Variants in MSRA observed in about 807,000 individuals in gnomAD.
MSRA encodes the protein mitochondrial peptide methionine sulfoxide reductase.
In MSRA, 54 loss-of-function variants were observed where a neutral mutation model predicts 31.3. That is an observed-to-expected ratio of 1.73 (90% confidence interval 1.39 to 2.17). The LOEUF (loss-of-function observed/expected upper bound fraction) is 2.17, where lower values mean the gene tolerates loss of function less well. Among genes scored for constraint, MSRA ranks in the 30% most tolerant of loss-of-function variants. MSRA has a pLI of 0.00. For synonymous variants in MSRA, 169 were observed against 116.5 expected (o/e 1.45, Z -2.90); for missense variants, 507 against 300.9 (o/e 1.69, Z -5.07).
chr8:10,232,831 G>A (rs926781574), intron 2 of MSRA, among the ~76,000 whole-genome samples: 1 of 152,202 alleles, frequency 6.6e-6, no homozygotes, highest in Non-Finnish European at 1.5e-5. Context: ...ACCAAGTAAT[G>A]ATTTTGTAAT....
chr8:10,222,513 G>A (rs1341147445), intron 2 of MSRA, among the ~76,000 whole-genome samples: 2 of 152,052 alleles, frequency 1.3e-5, no homozygotes, highest in Non-Finnish European at 2.9e-5. Flanking sequence ...CATATCTAAA[G>A]GCAATGAAAT....
chr8:10,219,183 A>T (rs914694862), intron 2 of MSRA, among the ~76,000 whole-genome samples: 1 of 152,236 alleles, frequency 6.6e-6, no homozygotes, highest in Non-Finnish European at 1.5e-5. Flanking sequence ...CTGCTCAGGG[A>T]TGCTGCCCAT....
chr8:10,358,315 A>AT (rs1284164354), intron 5 of MSRA, among the ~76,000 whole-genome samples: 1 of 152,210 alleles, frequency 6.6e-6, no homozygotes, highest in Non-Finnish European at 1.5e-5. Flanking sequence ...CCCAATAACA[A>AT]TAATAAGAGC....
chr8:10,054,501 C>T lies in MSRA; in HGVS notation c.-16C>T. 1 of 1,566,378 alleles carries T rather than the reference C, an allele frequency of 6.4e-7. No individual in the cohort carries two copies. Among genetic ancestry groups the T allele is most frequent in the Non-Finnish European group, 8.6e-7 (1 of 1,157,324 alleles). ...AGCGCCGTCCCCCGGGACCACCCTT[C>T]GGCTGGCGCCCTCCCATGCTCTCGG... On this transcript the variant is annotated 5_prime_UTR_variant, in exon 1 of 6. Transcript: ENST00000317173.
intron 5 of MSRA, among the ~76,000 whole-genome samples, chr8:10,377,406 A>G (rs1327664460): frequency 6.6e-6 from 1 of 152,230 alleles, no homozygotes. Flanking sequence ...GTCTTTTTCC[A>G]TTAGCAGATA....
At chr8:10,070,455 T>A (rs942694755) in intron 1 of MSRA, among the ~76,000 whole-genome samples, 1 of 152,250 alleles carries the variant, frequency 6.6e-6, no homozygotes, top group Admixed American at 6.5e-5. Flanking sequence ...TAGATTTACA[T>A]GCAGTAGTTA....
At chr8:10,126,915 TAGG>T (rs559480100) in intron 1 of MSRA, among the ~76,000 whole-genome samples, 16 of 152,230 alleles carry the variant, frequency 1.1e-4, no homozygotes, top group Non-Finnish European at 2.1e-4. Flanking sequence ...ACTGCTCTGT[TAGG>T]AGGCGGAGCT....
intron 2 of MSRA, among the ~76,000 whole-genome samples, chr8:10,215,583 A>T (rs1809919372): frequency 6.6e-6 from 1 of 152,124 alleles, no homozygotes; most frequent in Non-Finnish European, 1.5e-5. Flanking sequence ...TAACTCAGGG[A>T]TTTTGAAGGA....
chr8:10,176,587 A>G (rs533354770), intron 1 of MSRA, among the ~76,000 whole-genome samples: 1 of 152,368 alleles, frequency 6.6e-6, no homozygotes, highest in Admixed American at 6.5e-5. Flanking sequence ...CAGCAGCAGA[A>G]GACTTTAACT....
intron 1 of MSRA, among the ~76,000 whole-genome samples, chr8:10,198,947 T>C (rs1418293798): frequency 6.6e-6 from 1 of 152,242 alleles, no homozygotes; most frequent in Non-Finnish European, 1.5e-5. Flanking sequence ...CACTGAAGCC[T>C]GGTCAGTGCT....
chr8:10,258,311 G>T (rs559079040), intron 3 of MSRA, among the ~76,000 whole-genome samples: 263 of 152,294 alleles, frequency 1.7e-3, no homozygotes, highest in African/African-American at 6.1e-3. Flanking sequence ...TCCATTGTCA[G>T]TGAGACATAC....
intron 1 of MSRA, among the ~76,000 whole-genome samples, chr8:10,179,906 G>C (rs933659338): frequency 6.6e-6 from 1 of 152,166 alleles, no homozygotes; most frequent in African/African-American, 2.4e-5. Flanking sequence ...GTTGTTCTAA[G>C]TGGGAAAACT....
chr8:10,102,221 T>G (rs1799577991), intron 1 of MSRA, among the ~76,000 whole-genome samples: 1 of 152,206 alleles, frequency 6.6e-6, no homozygotes, highest in Non-Finnish European at 1.5e-5. Context: ...TTTGAATACT[T>G]CCCCAGGTGT....
At chr8:10,159,654 T>TTG (rs386412043) in intron 1 of MSRA, among the ~76,000 whole-genome samples, 2 of 151,880 alleles carry the variant, frequency 1.3e-5, no homozygotes, top group African/African-American at 2.4e-5. Flanking sequence ...AAAGTAAATT[T>TTG]TGTGTATTGC....
chr8:10,232,573 C>T (rs1215645031), intron 2 of MSRA, among the ~76,000 whole-genome samples: 2 of 152,164 alleles, frequency 1.3e-5, no homozygotes, highest in Non-Finnish European at 1.5e-5. Flanking sequence ...CTTTACCAGT[C>T]AGGTCAAAAT....
intron 1 of MSRA, chr8:10,059,030 C>T (rs1314690040): frequency 3.3e-5 from 5 of 151,978 alleles, no homozygotes; most frequent in South Asian, 2.1e-4. Flanking sequence ...CAAAGCAATT[C>T]GAGAACTACA....
At chr8:10,267,053 G>C (rs1346979073) in intron 3 of MSRA, among the ~76,000 whole-genome samples, 1 of 152,162 alleles carries the variant, frequency 6.6e-6, no homozygotes, top group Non-Finnish European at 1.5e-5. Flanking sequence ...AACATGGATG[G>C]AGCAAGAAGT....
At position 10,054,546 on chromosome 8, in the gene MSRA, GCTC is replaced by G. The variant is rs1585050293; in HGVS notation, c.41_43del (p.Leu14del). On this transcript the variant is annotated inframe_deletion, in exon 1 of 6. Transcript: ENST00000317173. ...TCTCGGCCACCCGGAGGGCTTGCCA[GCTC>G]CTCCTCCTCCACAGCCTCTTTCCCG... 6 of 1,586,664 alleles carry G rather than the reference GCTC, an allele frequency of 3.8e-6. No individual in the cohort carries two copies. Among genetic ancestry groups the G allele is most frequent in the East Asian group, 2.4e-5 (1 of 40,978 alleles).
At chr8:10,287,442 A>G (rs1431003381) in intron 3 of MSRA, among the ~76,000 whole-genome samples, 1 of 152,184 alleles carries the variant, frequency 6.6e-6, no homozygotes, top group Admixed American at 6.6e-5. Flanking sequence ...ACACCAATCT[A>G]AGGTATCATC....
Sources: gnomAD v4.1 joint callset for allele counts (sites outside exome capture counted in the v4.1 genomes callset) on GRCh38, gnomAD v4.1.1 for gene constraint, MANE v1.5 for transcripts, NCBI Gene and HGNC (gene_info 2026-07-23, HGNC 2026-07-21) for gene names.